The following MAPK4 variants were observed in gnomAD, a reference collection of about 807,000 sequenced individuals.
MAPK4 encodes the protein Erk3-related.
In MAPK4, 22 loss-of-function variants were observed where a neutral mutation model predicts 47.7. The observed-to-expected ratio is 0.46, with a 90% CI of 0.33 to 0.66. The LOEUF (loss-of-function observed/expected upper bound fraction) is 0.66, where lower values mean the gene tolerates loss of function less well. Among genes scored for constraint, MAPK4 ranks in the 30% least tolerant of loss-of-function variants. MAPK4 has a pLI of 0.02. For missense variants in MAPK4, 736 were observed against 831.7 expected (o/e 0.88, Z 1.42); for synonymous variants, 390 against 365.7 (o/e 1.07, Z -0.76).
chr18:50,609,473 C>G (rs2042613694), intron 1 of MAPK4, among the ~76,000 whole-genome samples: 2 of 152,068 alleles, frequency 1.3e-5, no homozygotes, highest in African/African-American at 4.8e-5. Context: ...GGTAAAGTGA[C>G]TTGCCAGGAC....
intron 1 of MAPK4, among the ~76,000 whole-genome samples, chr18:50,575,792 C>G (rs1176787332): frequency 1.4e-5 from 1 of 70,130 alleles, no homozygotes; most frequent in Non-Finnish European, 2.7e-5. Flanking sequence ...AATCAACAAG[C>G]AAAAAAAAAA....
chr18:50,579,305 C>G (rs1020351479), intron 1 of MAPK4, among the ~76,000 whole-genome samples: 1 of 152,152 alleles, frequency 6.6e-6, no homozygotes. Flanking sequence ...CACTCTTGGC[C>G]TCTGCTCAGG....
chr18:50,655,003 T>A (rs775306513), intron 1 of MAPK4, among the ~76,000 whole-genome samples: 2 of 152,224 alleles, frequency 1.3e-5, no homozygotes, highest in African/African-American at 2.4e-5. Context: ...ATGTTCCTTC[T>A]GCAAACTTCT....
chr18:50,562,220 C>G (rs1210177912), intron 1 of MAPK4, among the ~76,000 whole-genome samples: 1 of 152,022 alleles, frequency 6.6e-6, no homozygotes, highest in East Asian at 1.9e-4. Context: ...TGTATTAATC[C>G]AGAACCTAAT....
intron 4 of MAPK4, among the ~76,000 whole-genome samples, chr18:50,723,646 T>G (rs1223218561): frequency 6.6e-6 from 1 of 152,180 alleles, no homozygotes; most frequent in East Asian, 1.9e-4. Context: ...GCAGACCTCT[T>G]GAGCCCAGGA....
chr18:50,715,363 G>A (rs1435469766), intron 3 of MAPK4, 140 bp downstream of exon 3: 1 of 1,046,504 alleles, frequency 9.6e-7, no homozygotes, highest in African/African-American at 1.6e-5. Context: ...ACACTATTTG[G>A]AGGCACCTTA....
At chr18:50,690,371 T>C (rs1909144639) in intron 2 of MAPK4, among the ~76,000 whole-genome samples, 1 of 152,244 alleles carries the variant, frequency 6.6e-6, no homozygotes, top group South Asian at 2.1e-4. Context: ...ACCATACCAA[T>C]TTCTTTCTCA....
intron 1 of MAPK4, among the ~76,000 whole-genome samples, chr18:50,638,077 C>G (rs537607672): frequency 2.0e-5 from 3 of 152,278 alleles, no homozygotes; most frequent in Admixed American, 2.0e-4. Context: ...AATGCTGGGT[C>G]CTTCCCCTCT....
At chr18:50,655,245 A>G (rs1009463423) in intron 1 of MAPK4, among the ~76,000 whole-genome samples, 6 of 152,298 alleles carry the variant, frequency 3.9e-5, no homozygotes, top group African/African-American at 7.2e-5. Flanking sequence ...CCTGAGGCCC[A>G]TCATGGGCAG....
Position 50,726,117 on chromosome 18 carries a change from A to G in MAPK4, c.1009A>G (p.Ile337Val). The change falls in exon 5 of 6, where the codon ATC (isoleucine) becomes GTC (valine). Residue 337 changes from isoleucine (I) to valine (V), a missense_variant. This residue lies in a region of MAPK4 where 377 missense variants were observed against 378.6 expected (regional missense o/e 1.00). Coordinates refer to ENST00000400384, the MANE Select transcript of MAPK4 (RefSeq NM_002747.4). ...PFRIEDEIDDIVLMAANQSQL... is the reference protein window; with the variant it reads ...PFRIEDEIDDVVLMAANQSQL... The stretch of plus-strand genomic sequence containing the variant: ...CCGCATTGAGGATGAGATCGACGAC[A>G]TCGTGCTGATGGCCGCTAACCAGAG... 2 of 1,614,178 alleles carry G rather than the reference A, an allele frequency of 1.2e-6. No individual in the cohort carries two copies. Among genetic ancestry groups the G allele is most frequent in the Middle Eastern group, 1.6e-4 (1 of 6,062 alleles).
Position 50,729,808 on chromosome 18 carries a change from C to G in MAPK4, c.1718C>G (p.Pro573Arg), listed in dbSNP as rs749679166. The G allele has an allele frequency of 2.0e-5, 32 of 1,612,400 alleles. No individual in the cohort carries two copies. Among genetic ancestry groups the G allele is most frequent in the Non-Finnish European group, 2.6e-5 (31 of 1,179,738 alleles). The change falls in exon 6 of 6, where the codon CCT (proline) becomes CGT (arginine). Residue 573 changes from proline (P) to arginine (R), a missense_variant. Transcript: ENST00000400384. ...DLNGACIPEH[P>R]GDLVQTEAFS... ...AATGGTGCGTGCATCCCCGAGCACC[C>G]TGGCGACCTCGTGCAGACCGAGGCC...
intron 3 of MAPK4, among the ~76,000 whole-genome samples, chr18:50,717,616 C>A (rs866614577): frequency 2.0e-5 from 3 of 152,074 alleles, no homozygotes; most frequent in African/African-American, 7.2e-5. Context: ...CTTCTAGTAT[C>A]CCCTAAGAGC....
At position 50,661,541 on chromosome 18, in the gene MAPK4, G is replaced by A. The variant is rs146683542; in HGVS notation, c.-870-1548G>A. Among the ~76,000 whole-genome samples the A allele has an allele frequency of 2.3e-3, 348 of 152,316 alleles. 9 individuals are homozygous for A. In the East Asian group the frequency reaches 0.027, roughly 12 times the overall value. On this transcript the variant is annotated intron_variant, in intron 1 of 5. Transcript: ENST00000400384. Reference sequence around the variant, plus strand: ...TAAAGTTAGAACTGGAATCAGAATCGATGTTTCTCAGTGGAAGTGCTGTTG... The same window carrying A: ...TAAAGTTAGAACTGGAATCAGAATCAATGTTTCTCAGTGGAAGTGCTGTTG...
chr18:50,708,841 C>G (rs1239842372), intron 2 of MAPK4, among the ~76,000 whole-genome samples: 1 of 152,180 alleles, frequency 6.6e-6, no homozygotes, highest in African/African-American at 2.4e-5. Context: ...GGACAGGCTG[C>G]TTACACTCTC....
intron 2 of MAPK4, among the ~76,000 whole-genome samples, chr18:50,712,154 C>T (rs1910401649): frequency 6.6e-6 from 1 of 152,244 alleles, no homozygotes. Flanking sequence ...GTGTCGGGCA[C>T]AGTGGCTCAT....
intron 1 of MAPK4, among the ~76,000 whole-genome samples, chr18:50,634,237 C>T (rs1044446358): frequency 6.6e-6 from 1 of 151,856 alleles, no homozygotes; most frequent in Non-Finnish European, 1.5e-5. Flanking sequence ...ATGTCAGCAC[C>T]TGGTGTGCAT....
chr18:50,725,332 G>A (rs1454056501), intron 4 of MAPK4, among the ~76,000 whole-genome samples: 1 of 152,182 alleles, frequency 6.6e-6, no homozygotes, highest in African/African-American at 2.4e-5. Context: ...TCTGGGCTGT[G>A]GAGACCCTGT....
chr18:50,574,761 A>G (rs1410513010), intron 1 of MAPK4, among the ~76,000 whole-genome samples: 3 of 152,242 alleles, frequency 2.0e-5, no homozygotes, highest in Non-Finnish European at 4.4e-5. Flanking sequence ...CAAACCTGCT[A>G]TATAAACATC....
At chr18:50,627,172 G>A (rs112584332) in intron 1 of MAPK4, among the ~76,000 whole-genome samples, 279 of 152,018 alleles carry the variant, frequency 1.8e-3, no homozygotes, top group Non-Finnish European at 2.8e-3. Flanking sequence ...TGGGAGAGGC[G>A]GACTTGGACC....
Sources: gnomAD v4.1 joint callset for allele counts (sites outside exome capture counted in the v4.1 genomes callset) on GRCh38, gnomAD v4.1.1 for gene constraint, gnomAD v4.1.1 regional missense constraint, MANE v1.5 for transcripts, NCBI Gene and HGNC (gene_info 2026-07-23, HGNC 2026-07-21) for gene names.